RBFOX1: variants seen among roughly 807,000 people sequenced by gnomAD.
The protein encoded by RBFOX1 is RNA binding fox-1 homolog 1.
RBFOX1 carries 8 observed loss-of-function variants against 57.7 expected under a neutral mutation model. The ratio of observed to expected loss-of-function variants is 0.14; its 90% CI spans 0.08 to 0.25. The LOEUF (loss-of-function observed/expected upper bound fraction) is 0.25. RBFOX1 is among the 10% of genes least tolerant of loss of function. The probability of loss-of-function intolerance (pLI) is 1.00; values close to 1 mark genes in which losing one functional copy is unlikely to be tolerated. For synonymous variants in RBFOX1, 326 were observed against 222.4 expected, an observed-to-expected ratio of 1.47 and a Z score of -4.15; for missense variants, 611 against 548.5, an observed-to-expected ratio of 1.11 and a Z score of -1.14.
intron 2 of RBFOX1, among the ~76,000 whole-genome samples, chr16:6,545,413 G>T (rs977429054): frequency 2.0e-5 from 3 of 151,918 alleles, no homozygotes; most frequent in Non-Finnish European, 4.4e-5. Flanking sequence ...TTCTCTCCAG[G>T]CCATCATTCT....
chr16:5,457,223 A>C (rs555169183), intron 1 of RBFOX1, among the ~76,000 whole-genome samples: 1 of 151,350 alleles, frequency 6.6e-6, no homozygotes, highest in Non-Finnish European at 1.5e-5. Context: ...TGCAACCTCT[A>C]CCTCCCGGGT....
chr16:7,660,297 A>G (rs551745517), intron 12 of RBFOX1, among the ~76,000 whole-genome samples: 1 of 152,226 alleles, frequency 6.6e-6, no homozygotes, highest in Non-Finnish European at 1.5e-5. Flanking sequence ...GATGTGATTG[A>G]CAAACAATAC....
chr16:7,083,334 C>G (rs1407546259), intron 4 of RBFOX1, among the ~76,000 whole-genome samples: 1 of 151,994 alleles, frequency 6.6e-6, no homozygotes, highest in Non-Finnish European at 1.5e-5. Context: ...TAGGGCGAAT[C>G]TCATTCCTTG....
At chr16:5,364,917 A>G (rs527339283) in intron 1 of RBFOX1, among the ~76,000 whole-genome samples, 1 of 152,232 alleles carries the variant, frequency 6.6e-6, no homozygotes, top group East Asian at 1.9e-4. Context: ...GTCACGCTGG[A>G]CAGTAGGGTC....
intron 5 of RBFOX1, among the ~76,000 whole-genome samples, chr16:7,569,569 A>T (rs2092554266): frequency 6.6e-6 from 1 of 152,200 alleles, no homozygotes; most frequent in Non-Finnish European, 1.5e-5. Flanking sequence ...TGGTCATGTG[A>T]TTAGCAACCT....
intron 2 of RBFOX1, among the ~76,000 whole-genome samples, chr16:6,581,487 C>G (rs1039078369): frequency 6.6e-6 from 1 of 152,170 alleles, no homozygotes; most frequent in African/African-American, 2.4e-5. Context: ...CTTTTCCATG[C>G]AGACCTCTAC....
At chr16:7,105,694 C>G (rs1199415709) in intron 4 of RBFOX1, among the ~76,000 whole-genome samples, 1 of 151,904 alleles carries the variant, frequency 6.6e-6, no homozygotes, top group African/African-American at 2.4e-5. Context: ...GTCTATCTCT[C>G]TATATATATC....
intron 4 of RBFOX1, among the ~76,000 whole-genome samples, chr16:7,067,126 C>T (rs961175505): frequency 6.6e-6 from 1 of 152,188 alleles, no homozygotes; most frequent in Non-Finnish European, 1.5e-5. Context: ...CAGCGGCAGC[C>T]TTCCATGCTT....
At chr16:5,711,509 A>G (rs2051486578) in intron 3 of RBFOX1, among the ~76,000 whole-genome samples, 2 of 152,194 alleles carry the variant, frequency 1.3e-5, no homozygotes. Flanking sequence ...TTGGGGTGCG[A>G]TTCAAAGCAG....
rs140249282 is a variant in RBFOX1 at position 6,459,075 on chromosome 16, C to A, written c.-64+142018C>A. ...TTTCAGCCAAGCCTGGTGGCTCACG[C>A]CTGTAATCCCAGCACTTTGGGAGGC... On this transcript the variant is annotated intron_variant, in intron 2 of 15. Transcript: ENST00000550418. Among the ~76,000 whole-genome samples, 867 of 152,334 alleles carry A rather than the reference C, an allele frequency of 5.7e-3. 7 individuals are homozygous for A. The highest frequency in any genetic ancestry group is 0.019 in the African/African-American group (779 of 41,582).
intron 4 of RBFOX1, among the ~76,000 whole-genome samples, chr16:7,241,003 A>T (rs56224056): frequency 0.044 from 6,671 of 152,270 alleles, 187 homozygotes; most frequent in Non-Finnish European, 0.059. Context: ...CTCTTAATAT[A>T]CAACAATATC....
chr16:6,914,734 C>T (rs2072670673), intron 3 of RBFOX1, among the ~76,000 whole-genome samples: 2 of 152,082 alleles, frequency 1.3e-5, no homozygotes, highest in South Asian at 4.1e-4. Flanking sequence ...ATTAACCTGG[C>T]ATGGTGGTGT....
intron 3 of RBFOX1, among the ~76,000 whole-genome samples, chr16:6,984,763 C>G (rs1163551378): frequency 3.9e-5 from 6 of 152,112 alleles, no homozygotes; most frequent in East Asian, 1.9e-4. Flanking sequence ...GCCTCAGCCT[C>G]CTGAGTAGCT....
chr16:7,612,074 C>T (rs770215450), intron 10 of RBFOX1, among the ~76,000 whole-genome samples: 42 of 152,182 alleles, frequency 2.8e-4, no homozygotes, highest in Non-Finnish European at 5.4e-4. Flanking sequence ...GTAATCCCAG[C>T]ACTTTGGGAG....
chr16:6,984,376 A>G (rs184442903), intron 3 of RBFOX1, among the ~76,000 whole-genome samples: 1 of 152,274 alleles, frequency 6.6e-6, no homozygotes, highest in Non-Finnish European at 1.5e-5. Flanking sequence ...AAAAGCCTAC[A>G]TCCTACAGCA....
rs574092259 is a variant in RBFOX1 at position 6,692,863 on chromosome 16, C to T, written c.-16+38213C>T. 9.9e-5 allele frequency among the ~76,000 whole-genome samples: 15 copies of T among 151,896 alleles called. 1 individual carries two copies. The highest frequency in any genetic ancestry group is 3.4e-3 in the Middle Eastern group (1 of 290). On this transcript the variant is annotated intron_variant, in intron 3 of 15. Transcript: ENST00000550418. ...CCACTACCATCACCACCATCATCAT[C>T]ACCATCCTCATCCATTACTATCACC... is the stretch of plus-strand genomic sequence containing the variant.
At chr16:7,212,248 A>C (rs150708357) in intron 4 of RBFOX1, among the ~76,000 whole-genome samples, 86 of 152,278 alleles carry the variant, frequency 5.6e-4, no homozygotes, top group African/African-American at 2.0e-3. Context: ...AGCACAAGCT[A>C]CTAAATTTTG....
chr16:6,066,330 C>T (rs1111506), intron 1 of RBFOX1, among the ~76,000 whole-genome samples: 122,017 of 131,700 alleles, frequency 0.93, 56,606 homozygotes, highest in African/African-American at 0.96. Flanking sequence ...AGGCATAATT[C>T]AGACGTGGCA....
intron 3 of RBFOX1, among the ~76,000 whole-genome samples, chr16:6,918,779 C>T (rs970252905): frequency 2.6e-5 from 4 of 151,982 alleles, no homozygotes; most frequent in African/African-American, 7.3e-5. Flanking sequence ...TAATCTTGGG[C>T]ATAGGAGTAT....
Sources: gnomAD v4.1 joint callset for allele counts (sites outside exome capture counted in the v4.1 genomes callset) on GRCh38, gnomAD v4.1.1 for gene constraint, MANE v1.5 for transcripts, NCBI Gene and HGNC (gene_info 2026-07-23, HGNC 2026-07-21) for gene names.